The following SUGCT variants were observed in gnomAD, a reference collection of about 807,000 sequenced individuals.
SUGCT encodes succinyl-CoA:glutarate-CoA transferase, also known as succinyl-CoA:glutarate CoA-transferase.
A neutral mutation model predicts 55.0 loss-of-function variants in SUGCT; 41 were observed. The ratio of observed to expected loss-of-function variants is 0.74; its 90% CI spans 0.58 to 0.97. SUGCT has a LOEUF of 0.97. Ranked by LOEUF, SUGCT falls within the 50% of genes least tolerant of loss-of-function variation. SUGCT has a pLI of 0.00. For synonymous variants in SUGCT, 187 were observed against 200.4 expected, an observed-to-expected ratio of 0.93 and a Z score of 0.56; for missense variants, 568 against 547.8, an observed-to-expected ratio of 1.04 and a Z score of -0.37.
At chr7:40,951,434 GT>G in the SUGCT span, among the ~76,000 whole-genome samples, 1 of 152,020 alleles carries the variant, frequency 6.6e-6, no homozygotes, top group Non-Finnish European at 1.5e-5. Context: ...TTTTTGAAGG[GT>G]TTTTTGTGTC....
At chr7:40,585,883 G>A (rs899709507) in intron 12 of SUGCT, among the ~76,000 whole-genome samples, 4 of 151,962 alleles carry the variant, frequency 2.6e-5, no homozygotes, top group African/African-American at 7.2e-5. Flanking sequence ...GTTTTGTCAC[G>A]TTGCCCAGGC....
At chr7:40,794,221 CA>C (rs1468389821) in intron 13 of SUGCT, among the ~76,000 whole-genome samples, 1 of 152,072 alleles carries the variant, frequency 6.6e-6, no homozygotes, top group African/African-American at 2.4e-5. Context: ...AGGTCCAGCT[CA>C]AGAGCATATT....
intron 12 of SUGCT, among the ~76,000 whole-genome samples, chr7:40,565,944 C>T (rs142325549): frequency 1.2e-4 from 18 of 150,008 alleles, no homozygotes; most frequent in Admixed American, 9.3e-4. Flanking sequence ...TAATTTTCTT[C>T]GTAGTGATCA....
chr7:40,515,734 T>C (rs1793197029), intron 12 of SUGCT, among the ~76,000 whole-genome samples: 1 of 152,230 alleles, frequency 6.6e-6, no homozygotes. Flanking sequence ...GGCATTTGTA[T>C]TGTATCCAAA....
the SUGCT span, among the ~76,000 whole-genome samples, chr7:40,938,857 T>C: frequency 2.0e-5 from 3 of 152,198 alleles, no homozygotes; most frequent in Admixed American, 1.3e-4. Flanking sequence ...ATTTCATTCT[T>C]TTTTATGGCT....
At chr7:40,894,003 G>C in the SUGCT span, among the ~76,000 whole-genome samples, 1 of 150,104 alleles carries the variant, frequency 6.7e-6, no homozygotes, top group African/African-American at 2.4e-5. Context: ...AGAGTGAGCC[G>C]AGATCATGCC....
intron 10 of SUGCT, among the ~76,000 whole-genome samples, chr7:40,455,926 C>CT (rs565482710): frequency 2.2e-3 from 339 of 152,328 alleles, no homozygotes; most frequent in African/African-American, 7.0e-3. Flanking sequence ...AACATTATGA[C>CT]TTACAGGCAA....
chr7:40,939,824 G>C, the SUGCT span, among the ~76,000 whole-genome samples: 2 of 152,018 alleles, frequency 1.3e-5, no homozygotes, highest in Non-Finnish European at 2.9e-5. Context: ...CTCCCATTCT[G>C]TTAGTTGTCT....
At chr7:40,330,967 A>AT (rs1302213930) in intron 9 of SUGCT, among the ~76,000 whole-genome samples, 1 of 152,150 alleles carries the variant, frequency 6.6e-6, no homozygotes, top group Non-Finnish European at 1.5e-5. Context: ...ATTATCTAAA[A>AT]TTTAGATAAT....
At chr7:40,569,794 C>T (rs1796343654) in intron 12 of SUGCT, among the ~76,000 whole-genome samples, 1 of 152,162 alleles carries the variant, frequency 6.6e-6, no homozygotes, top group Non-Finnish European at 1.5e-5. Flanking sequence ...GACCTGTGGT[C>T]TATTCTGATG....
Sources: gnomAD v4.1 joint callset for allele counts (sites outside exome capture counted in the v4.1 genomes callset) on GRCh38, gnomAD v4.1.1 for gene constraint, MANE v1.5 for transcripts, NCBI Gene and HGNC (gene_info 2026-07-23, HGNC 2026-07-21) for gene names.